The following MYO1E variants were observed in gnomAD, a reference collection of about 807,000 sequenced individuals.
MYO1E encodes the protein unconventional myosin-Ie.
Under a neutral mutation model 151.1 loss-of-function variants are expected in MYO1E, and 68 were observed. The ratio of observed to expected loss-of-function variants is 0.45; its 90% CI spans 0.37 to 0.55. The LOEUF is 0.55. Among genes scored for constraint, MYO1E ranks in the 20% least tolerant of loss-of-function variants. MYO1E has a pLI of 0.00. For missense variants in MYO1E, 1,363 were observed against 1,389.3 expected (o/e 0.98, Z 0.30); for synonymous variants, 601 against 501.7 (o/e 1.20, Z -2.64).
chr15:59,371,810 C>T (rs1596447850), intron 1 of MYO1E, among the ~76,000 whole-genome samples: 2 of 151,874 alleles, frequency 1.3e-5, no homozygotes, highest in African/African-American at 4.8e-5. Flanking sequence ...GGGCCGGCGC[C>T]CGGCACAGGT....
At chr15:59,207,185 T>C (rs759030874) in intron 14 of MYO1E, 11 of 1,614,114 alleles carry the variant, frequency 6.8e-6, no homozygotes, top group Admixed American at 1.7e-5. Context: ...TCGGTGGGCA[T>C]GGCCTGCGCT....
rs1403155908 is a variant in MYO1E, at chr15:59,153,594, C to A, written c.3076G>T (p.Ala1026Ser). 6.2e-7 allele frequency: 1 copy of A among 1,614,064 alleles called. No individual in the cohort carries two copies. The highest frequency in any genetic ancestry group is 1.3e-5 in the African/African-American group (1 of 75,040). The change falls in exon 26 of 28, where the codon GCA becomes TCA. Residue 1026 changes from alanine to serine, a missense_variant. Physicochemically the swap from Ala to Ser is moderately conservative, Grantham distance 99. Transcript: ENST00000288235. ...DFLKVPDQGAAGVRRQTTSRP... is the reference protein window; with the variant it reads ...DFLKVPDQGASGVRRQTTSRP... ...CAGAGGATGTGAGAATCTTACCCTG[C>A]AGCTCCCTGGTCCGGGACCTTGAGG...
intron 1 of MYO1E, among the ~76,000 whole-genome samples, chr15:59,342,026 C>T (rs1448341122): frequency 1.3e-5 from 2 of 152,152 alleles, no homozygotes; most frequent in Admixed American, 6.5e-5. Context: ...TCTTCACATC[C>T]TTGCCAGCAT....
intron 4 of MYO1E, among the ~76,000 whole-genome samples, chr15:59,244,581 A>G (rs1480168727): frequency 1.3e-5 from 2 of 152,170 alleles, no homozygotes; most frequent in African/African-American, 4.8e-5. Flanking sequence ...GAAAGTGGTA[A>G]TGGATTATTA....
At chr15:59,293,784 T>C (rs182118713) in intron 1 of MYO1E, among the ~76,000 whole-genome samples, 19 of 152,248 alleles carry the variant, frequency 1.2e-4, no homozygotes, top group South Asian at 4.2e-4. Context: ...GGCTCACGCC[T>C]GTAATCCCAG....
chr15:59,358,991 T>A (rs1177276152), intron 1 of MYO1E, among the ~76,000 whole-genome samples: 1 of 152,084 alleles, frequency 6.6e-6, no homozygotes, highest in Non-Finnish European at 1.5e-5. Context: ...ATGAACCACA[T>A]TGGGGATTTA....
chr15:59,273,708 T>A (rs1283014104), intron 1 of MYO1E, among the ~76,000 whole-genome samples: 3 of 151,568 alleles, frequency 2.0e-5, no homozygotes, highest in Non-Finnish European at 4.4e-5. Context: ...TCTACACTTA[T>A]CAGCAAAAAA....
At chr15:59,154,419 G>T (rs2079499011) in intron 25 of MYO1E, among the ~76,000 whole-genome samples, 1 of 152,252 alleles carries the variant, frequency 6.6e-6, no homozygotes, top group South Asian at 2.1e-4. Flanking sequence ...AATCGCATTA[G>T]CCAATAAGTA....
At chr15:59,170,588 A>T (rs2079587187) in intron 22 of MYO1E, among the ~76,000 whole-genome samples, 1 of 147,998 alleles carries the variant, frequency 6.8e-6, no homozygotes, top group East Asian at 2.0e-4. Context: ...CTAGAGCTTT[A>T]AAAAAAAAAC....
At chr15:59,321,576 C>G (rs1228363337) in intron 1 of MYO1E, among the ~76,000 whole-genome samples, 1 of 152,126 alleles carries the variant, frequency 6.6e-6, no homozygotes, top group African/African-American at 2.4e-5. Flanking sequence ...CAAATTAATG[C>G]AGGAACAGAA....
At chr15:59,240,103 C>T (rs1407463933) in intron 4 of MYO1E, among the ~76,000 whole-genome samples, 2 of 152,238 alleles carry the variant, frequency 1.3e-5, no homozygotes, top group African/African-American at 4.8e-5. Flanking sequence ...CACACACACA[C>T]AAATACTCTA....
At chr15:59,253,954 T>C (rs2080180054) in intron 4 of MYO1E, among the ~76,000 whole-genome samples, 1 of 149,508 alleles carries the variant, frequency 6.7e-6, no homozygotes, top group Non-Finnish European at 1.5e-5. Context: ...AAGGGAAAAT[T>C]GTTAAAGACC....
At chr15:59,211,845 C>T (rs1295827109) in intron 12 of MYO1E, among the ~76,000 whole-genome samples, 1 of 152,068 alleles carries the variant, frequency 6.6e-6, no homozygotes, top group Non-Finnish European at 1.5e-5. Context: ...CTACCATGGC[C>T]GTCTAAGTCT....
chr15:59,335,066 A>ATTGTGGT, intron 1 of MYO1E, among the ~76,000 whole-genome samples: 1 of 152,234 alleles, frequency 6.6e-6, no homozygotes. Flanking sequence ...ATTGTCTCAA[A>ATTGTGGT]GAGAACATTC....
chr15:59,236,742 A>C, intron 4 of MYO1E, 70 bp from the exon 5 acceptor site: 1 of 1,325,406 alleles, frequency 7.5e-7, no homozygotes. Flanking sequence ...TGTCTCCCCC[A>C]TCACACAAAA....
intron 10 of MYO1E, among the ~76,000 whole-genome samples, chr15:59,215,794 G>A (rs2079910128): frequency 6.6e-6 from 1 of 152,148 alleles, no homozygotes; most frequent in Non-Finnish European, 1.5e-5. Flanking sequence ...ACAGGTGACA[G>A]GTAGAAAGGT....
intron 1 of MYO1E, among the ~76,000 whole-genome samples, chr15:59,338,160 T>TTA (rs529004637): frequency 2.1e-5 from 3 of 141,882 alleles, no homozygotes; most frequent in African/African-American, 8.3e-5. Flanking sequence ...TGTTCAAGTC[T>TTA]AAAAAAAAAA....
rs765533730 is a variant in MYO1E at position 59,207,125 on chromosome 15, C to A, written c.1530+1556G>T. ...AAGAGTGAGCTTATTGAGCGTTTCA[C>A]TTCCGAGAAGCCCGTTCATCACAGT... On this transcript the variant is annotated intron_variant, in intron 14 of 27. Transcript: ENST00000288235. The A allele has an allele frequency of 2.5e-6, 4 of 1,614,142 alleles. No homozygotes were observed. Among genetic ancestry groups the A allele is most frequent in the Non-Finnish European group, 3.4e-6 (4 of 1,180,052 alleles).
At chr15:59,323,168 CAAAA>C (rs10569332) in intron 1 of MYO1E, among the ~76,000 whole-genome samples, 35 of 63,684 alleles carry the variant, frequency 5.5e-4, no homozygotes, top group African/African-American at 6.8e-4. Context: ...GACCCCATCA[CAAAA>C]AAAAAAAAAA....
Sources: allele counts gnomAD v4.1 joint callset (sites outside exome capture counted in the v4.1 genomes callset), GRCh38; gene constraint gnomAD v4.1.1; transcripts MANE v1.5; gene names NCBI Gene and HGNC (gene_info 2026-07-23, HGNC 2026-07-21).